PTPRG: variants seen among roughly 807,000 people sequenced by gnomAD.
PTPRG encodes the protein receptor-type tyrosine-protein phosphatase gamma.
Under a neutral mutation model 165.3 loss-of-function variants are expected in PTPRG, and 102 were observed. The ratio of observed to expected loss-of-function variants is 0.62; its 90% CI spans 0.53 to 0.73. The LOEUF is 0.73. Among genes scored for constraint, PTPRG ranks in the 30% least tolerant of loss-of-function variants. PTPRG has a pLI of 0.00. For synonymous variants in PTPRG, 675 were observed against 669.5 expected (o/e 1.01, Z -0.13); for missense variants, 1,866 against 1,861.4 (o/e 1.00, Z -0.05).
intron 10 of PTPRG, among the ~76,000 whole-genome samples, chr3:62,200,228 G>C (rs1009848834): frequency 6.6e-6 from 1 of 151,796 alleles, no homozygotes; most frequent in Non-Finnish European, 1.5e-5. Context: ...ACTTAAACAT[G>C]GTTAAGATAG....
chr3:62,080,959 A>G (rs1377772056), intron 5 of PTPRG, among the ~76,000 whole-genome samples: 1 of 152,134 alleles, frequency 6.6e-6, no homozygotes, highest in Non-Finnish European at 1.5e-5. Context: ...GATGATAAAA[A>G]ATAGAACATA....
intron 2 of PTPRG, among the ~76,000 whole-genome samples, chr3:61,879,081 G>A (rs73842112): frequency 6.6e-6 from 1 of 152,278 alleles, no homozygotes; most frequent in African/African-American, 2.4e-5. Flanking sequence ...CAAATCCTGT[G>A]ACATTAACCC....
At position 62,271,575 on chromosome 3, in the gene PTPRG, A is replaced by T; in HGVS notation, c.3182+20A>T. 6.2e-7 allele frequency: 1 copy of T among 1,605,034 alleles called. No individual in the cohort carries two copies. The highest frequency in any genetic ancestry group is 8.5e-7 in the Non-Finnish European group (1 of 1,175,128). On this transcript the variant is annotated intron_variant, in intron 21 of 29. Transcript: ENST00000474889. The surrounding 1 kb of genome is among the most constrained non-coding windows in gnomAD (Gnocchi z 4.1). ...CTGCAGGTAGGGTCTAGGATTCAAC[A>T]TGTGAAATAGATGGGGCAGGGGACT...
At position 62,261,187 on chromosome 3, in the gene PTPRG, A is replaced by T. The variant is rs1701686963; in HGVS notation, c.2560-1611A>T. 2.6e-5 allele frequency: 4 copies of T among 152,236 alleles called. No homozygotes were observed. The South Asian group carries it at 6.2e-4, about 24-fold the overall frequency. 9.4% of individuals were successfully genotyped at this position (152,236 alleles called of 1,614,324 possible). ...TCTCTCAGCATAAGATACCTGAACAACTCAACCCTAAAGAAGTACATGCCA... is the reference window on the plus strand; with the variant it reads ...TCTCTCAGCATAAGATACCTGAACATCTCAACCCTAAAGAAGTACATGCCA... On this transcript the variant is annotated intron_variant, in intron 16 of 29. Coordinates refer to ENST00000474889, the MANE Select transcript of PTPRG (RefSeq NM_002841.4).
chr3:62,183,986 TG>T (rs1243591949), intron 8 of PTPRG, among the ~76,000 whole-genome samples: 1 of 152,214 alleles, frequency 6.6e-6, no homozygotes, highest in Admixed American at 6.5e-5. Context: ...GACTGCTCCA[TG>T]GAGTGCCCTG....
chr3:62,087,703 GA>G (rs1253418301), intron 5 of PTPRG, among the ~76,000 whole-genome samples: 4 of 152,186 alleles, frequency 2.6e-5, no homozygotes, highest in Admixed American at 2.6e-4. Context: ...TGCTCTCAGT[GA>G]AGAACTGAAT....
At chr3:62,194,540 A>G (rs1699913016) in intron 9 of PTPRG, among the ~76,000 whole-genome samples, 1 of 152,212 alleles carries the variant, frequency 6.6e-6, no homozygotes, top group African/African-American at 2.4e-5. Flanking sequence ...AGACCTGGGC[A>G]GGCAGGGTGG....
At position 62,296,184 on chromosome 3, in the gene PTPRG, A is replaced by AAGTT. The variant is rs1329666201; in HGVS notation, c.*2879_*2882dup. The AAGTT allele has an allele frequency of 6.6e-6, 1 of 152,016 alleles. No individual in the cohort carries two copies. Among genetic ancestry groups the AAGTT allele is most frequent in the African/African-American group, 2.4e-5 (1 of 41,416 alleles). 9.4% of individuals were successfully genotyped at this position (152,016 alleles called of 1,614,324 possible). A position where few individuals can be genotyped will look rare whatever the true frequency, so the allele number is the denominator to read the frequency against. On this transcript the variant is annotated 3_prime_UTR_variant, in exon 30 of 30. Transcript: ENST00000474889. ...CAAGATATCTTCTTTAATATGAAAA[A>AAGTT]AGTTAATTTCTGAATTTCAAAAAGA...
chr3:62,235,238 C>T (rs896715084), intron 14 of PTPRG, among the ~76,000 whole-genome samples: 4 of 152,128 alleles, frequency 2.6e-5, no homozygotes, highest in African/African-American at 9.7e-5. Context: ...TGTGTCAGTG[C>T]CTTAAAACTG....
At position 62,262,923 on chromosome 3, in the gene PTPRG, A is replaced by T. The variant is rs375709223; in HGVS notation, c.2656+29A>T. 5 of 1,516,250 alleles carry T rather than the reference A, an allele frequency of 3.3e-6. No individual in the cohort carries two copies. The African/African-American group carries it at 6.9e-5, about 21-fold the overall frequency. 93.9% of individuals were successfully genotyped at this position (1,516,250 alleles called of 1,614,324 possible). ...AGTAATAAGCTTTAAACTACCTTCA[A>T]CTGCGAGGAAATTAAATTTTCATGC... is the stretch of plus-strand genomic sequence containing the variant. On this transcript the variant is annotated intron_variant, in intron 17 of 29. Transcript: ENST00000474889.
At chr3:62,080,925 C>A (rs1701548157) in intron 5 of PTPRG, among the ~76,000 whole-genome samples, 1 of 152,046 alleles carries the variant, frequency 6.6e-6, no homozygotes. Flanking sequence ...GGCTTGCTAT[C>A]CTAAAGACAC....
chr3:61,982,763 G>C (rs957530706), intron 2 of PTPRG, among the ~76,000 whole-genome samples: 1 of 152,088 alleles, frequency 6.6e-6, no homozygotes, highest in South Asian at 2.1e-4. Flanking sequence ...TCCAGTTTAG[G>C]CATTGGTACT....
chr3:61,896,709 A>T (rs766317989), intron 2 of PTPRG, among the ~76,000 whole-genome samples: 9 of 152,114 alleles, frequency 5.9e-5, no homozygotes, highest in Non-Finnish European at 1.0e-4. Flanking sequence ...TTGACATTAC[A>T]ATTTGATATT....
At chr3:61,703,118 T>C (rs1265294974) in intron 1 of PTPRG, among the ~76,000 whole-genome samples, 3 of 152,154 alleles carry the variant, frequency 2.0e-5, no homozygotes, top group Non-Finnish European at 4.4e-5. Flanking sequence ...TTTTAAAGCC[T>C]GTATTTCTCC....
intron 8 of PTPRG, among the ~76,000 whole-genome samples, chr3:62,187,855 CA>C (rs753907280): frequency 6.6e-6 from 1 of 152,180 alleles, no homozygotes; most frequent in Non-Finnish European, 1.5e-5. Flanking sequence ...CTCGTGTAAT[CA>C]GGGACAAGCA....
At chr3:62,004,545 A>G (rs1008518641) in intron 4 of PTPRG, among the ~76,000 whole-genome samples, 3 of 152,316 alleles carry the variant, frequency 2.0e-5, no homozygotes, top group South Asian at 4.1e-4. Flanking sequence ...TCCTTGCTAT[A>G]TAAATCTCTA....
At chr3:61,957,933 ACT>A (rs2040070099) in intron 2 of PTPRG, among the ~76,000 whole-genome samples, 1 of 151,248 alleles carries the variant, frequency 6.6e-6, no homozygotes, top group Non-Finnish European at 1.5e-5. Context: ...CTAACCTGTG[ACT>A]CTTGTGAAAT....
In PTPRG at chr3:61,730,121, A is replaced by C. The variant is rs537401908; in HGVS notation, c.86-18757A>C. Among the ~76,000 whole-genome samples, 3 of 152,336 alleles carry C rather than the reference A, an allele frequency of 2.0e-5. No individual in the cohort carries two copies. In the South Asian group the frequency reaches 6.2e-4, roughly 32 times the overall value. Reference sequence around the variant, plus strand: ...AAGGGGTTTGTGACCACCACGGGGCATGTAAGTTGCTGGTGCCACTCCTGG... The same window carrying C: ...AAGGGGTTTGTGACCACCACGGGGCCTGTAAGTTGCTGGTGCCACTCCTGG... On this transcript the variant is annotated intron_variant, in intron 1 of 29. Transcript: ENST00000474889.
chr3:61,786,764 A>G (rs2034717742), intron 2 of PTPRG, among the ~76,000 whole-genome samples: 1 of 152,192 alleles, frequency 6.6e-6, no homozygotes, highest in Non-Finnish European at 1.5e-5. Flanking sequence ...ATGTCTTTAA[A>G]TGATCATTCT....
Sources: allele counts gnomAD v4.1 joint callset (sites outside exome capture counted in the v4.1 genomes callset), GRCh38; gene constraint gnomAD v4.1.1; non-coding constraint Gnocchi (gnomAD v3.1); transcripts MANE v1.5; gene names NCBI Gene and HGNC (gene_info 2026-07-23, HGNC 2026-07-21).